NUP210: variants seen among roughly 807,000 people sequenced by gnomAD.
NUP210 encodes the protein nucleoporin 210.
In NUP210, 151 loss-of-function variants were observed where a neutral mutation model predicts 196.0. The observed-to-expected ratio is 0.77, with a 90% CI of 0.67 to 0.88. The LOEUF (loss-of-function observed/expected upper bound fraction) is 0.88. Ranked by LOEUF, NUP210 falls within the 40% of genes least tolerant of loss-of-function variation. The pLI is 0.00. For synonymous variants in NUP210, 1,070 were observed against 1,052.7 expected (o/e 1.02, Z -0.32); for missense variants, 2,314 against 2,493.7 (o/e 0.93, Z 1.53).
chr3:13,343,199 C>T lies in NUP210; in HGVS notation c.2940G>A (p.Glu980=), dbSNP rs1215208735. The T allele has an allele frequency of 6.2e-7, 1 of 1,614,210 alleles. No individual in the cohort carries two copies. The highest frequency in any genetic ancestry group is 8.5e-7 in the Non-Finnish European group (1 of 1,180,044). The change falls in exon 21 of 40, where the codon GAG becomes GAA. Residue 980 remains glutamate, a synonymous_variant. Transcript: ENST00000254508. ...CCTTGTCAACCACACGGATGTACAG[C>T]TCCTGAATGTCCGACACGTAAACGA... The part of the protein sequence containing the change: ...KAVVYVSDIQ[E]LYIRVVDKVE...
chr3:13,373,588 G>C, intron 12 of NUP210, 130 bp downstream of exon 12: 1 of 836,936 alleles, frequency 1.2e-6, no homozygotes. Flanking sequence ...GGAAGGGCTG[G>C]GGCTTGAGCT....
At chr3:13,351,746 C>T in intron 20 of NUP210, 133 bp downstream of exon 20, 1 of 647,638 alleles carries the variant, frequency 1.5e-6, no homozygotes, top group South Asian at 1.8e-5. Context: ...GATCTTCCTG[C>T]CTTGACCTCC....
chr3:13,319,309 G>T lies in NUP210; in HGVS notation c.5400C>A (p.Phe1800Leu). 1 of 1,610,806 alleles carries T rather than the reference G, an allele frequency of 6.2e-7. No homozygotes were observed. Among genetic ancestry groups the T allele is most frequent in the Non-Finnish European group, 8.5e-7 (1 of 1,178,402 alleles). Reference sequence around the variant, plus strand: ...CCTGGTAGGAATCCAGGAAGTGCTGGAAGAGGCTGGCTCCATCTGCCATCA... The same window carrying T: ...CCTGGTAGGAATCCAGGAAGTGCTGTAAGAGGCTGGCTCCATCTGCCATCA... ...RGPGPYGASL[F>L]QHFLDSYQVM... The change falls in exon 38 of 40, where the codon TTC becomes TTA. Residue 1800 changes from phenylalanine to leucine, a missense_variant. By Grantham distance (22) the Phe-to-Leu change is conservative. Transcript: ENST00000254508.
intron 1 of NUP210, 36 bp from the exon 2 acceptor site, chr3:13,399,897 C>G (rs775088863): frequency 7.0e-6 from 11 of 1,575,946 alleles, no homozygotes; most frequent in Non-Finnish European, 9.5e-6. Context: ...CTCTCTGGAG[C>G]TGCACTGCAA....
intron 25 of NUP210, among the ~76,000 whole-genome samples, chr3:13,338,241 C>T (rs1408100310): frequency 1.3e-5 from 2 of 152,234 alleles, no homozygotes; most frequent in African/African-American, 2.4e-5. Context: ...TTAGGCCTGG[C>T]TGCCCTCAAG....
At chr3:13,410,019 ATTT>A (rs34707109) in intron 1 of NUP210, among the ~76,000 whole-genome samples, 169 of 138,046 alleles carry the variant, frequency 1.2e-3, no homozygotes, top group African/African-American at 3.8e-3. Context: ...CACCCAGCTA[ATTT>A]TTTTTTTTTT....
chr3:13,368,793 T>C (rs1231687491), intron 13 of NUP210, among the ~76,000 whole-genome samples: 9 of 152,270 alleles, frequency 5.9e-5, no homozygotes, highest in Non-Finnish European at 8.8e-5. Flanking sequence ...AATATTCCAC[T>C]GTATGGATAG....
chr3:13,407,055 C>T (rs561461337), intron 1 of NUP210, among the ~76,000 whole-genome samples: 3 of 152,292 alleles, frequency 2.0e-5, no homozygotes, highest in East Asian at 3.9e-4. Context: ...ACCAAATGAG[C>T]TAACCTCCCT....
chr3:13,351,958 C>T lies in NUP210; in HGVS notation c.2756G>A (p.Gly919Asp). ...GGTGTTGAGGAAGAAGTAACCTGAG[C>T]CTTCCCTGATGCGGAGCTCTGCCTG... ...GIQAELRIRE[G>D]SGYFFLNTST... The change falls in exon 20 of 40, where the codon GGC becomes GAC. Residue 919 changes from glycine to aspartate, a missense_variant. Transcript: ENST00000254508. The T allele has an allele frequency of 1.2e-6, 2 of 1,611,932 alleles. No homozygotes were observed. Among genetic ancestry groups the T allele is most frequent in the Non-Finnish European group, 1.7e-6 (2 of 1,178,430 alleles).
chr3:13,350,925 C>T lies in NUP210; in HGVS notation c.2835+954G>A, dbSNP rs548974788. Among the ~76,000 whole-genome samples, 28 of 152,054 alleles carry T rather than the reference C, an allele frequency of 1.8e-4. 1 individual carries two copies. The South Asian group carries it at 5.8e-3, about 32-fold the overall frequency. On this transcript the variant is annotated intron_variant, in intron 20 of 39. Coordinates refer to ENST00000254508, the MANE Select transcript of NUP210 (RefSeq NM_024923.4). This position sits in a 1 kb window ranked among gnomAD's most constrained non-coding sequence, Gnocchi z 4.1. ...GTGTTAGCCAGGATGGTCTCAATCTCCTGACCTTGTGATCAGCCTGCCTCG... is the reference window on the plus strand; with the variant it reads ...GTGTTAGCCAGGATGGTCTCAATCTTCTGACCTTGTGATCAGCCTGCCTCG...
At chr3:13,395,323 C>G (rs1024975106) in intron 3 of NUP210, among the ~76,000 whole-genome samples, 3 of 152,228 alleles carry the variant, frequency 2.0e-5, no homozygotes, top group Admixed American at 2.0e-4. Context: ...ACGTGGAGAT[C>G]ATGGCACCTT....
chr3:13,339,919 C>T lies in NUP210; in HGVS notation c.3406G>A (p.Gly1136Ser), dbSNP rs114096350. The change falls in exon 25 of 40, where the codon GGC becomes AGC. Residue 1136 changes from glycine to serine, a missense_variant. Coordinates refer to ENST00000254508, the MANE Select transcript of NUP210 (RefSeq NM_024923.4). The part of the protein sequence containing the change: ...GLVQGLAIGN[G>S]TVSGLVQAVD... ...GCCTGCACGAGCCCAGACACAGTGC[C>T]GTTCCCGATGGCGAGGCCCTGTACC... 7.4e-3 allele frequency: 11,948 copies of T among 1,614,044 alleles called. 54 individuals carry two copies. Among genetic ancestry groups the T allele is most frequent in the Non-Finnish European group, 8.4e-3 (9,922 of 1,180,052 alleles).
intron 18 of NUP210, 125 bp from the exon 19 acceptor site, chr3:13,352,309 G>T: frequency 1.5e-6 from 1 of 666,712 alleles, no homozygotes; most frequent in Non-Finnish European, 2.6e-6. Flanking sequence ...GTGCTCCTGA[G>T]CCCAGCAGAA....
At chr3:13,360,560 G>T in intron 14 of NUP210, 69 bp from the exon 15 acceptor site, 1 of 1,255,232 alleles carries the variant, frequency 8.0e-7, no homozygotes. Context: ...GGGCATCCCA[G>T]CCCCACATCC....
chr3:13,397,958 AT>A (rs566202990), intron 2 of NUP210, among the ~76,000 whole-genome samples: 4 of 152,246 alleles, frequency 2.6e-5, no homozygotes, highest in African/African-American at 9.6e-5. Context: ...ACACCCAGAG[AT>A]TTTTTTACTT....
rs1355465153 is a variant in NUP210, at chr3:13,340,527, G to A, written c.3229-229C>T. On this transcript the variant is annotated intron_variant, in intron 23 of 39. Transcript: ENST00000254508. This position sits in a 1 kb window ranked among gnomAD's most constrained non-coding sequence, Gnocchi z 4.0. ...GGTGTGTTCTTCTGTTTGTGACTGT[G>A]TTTCACTTTCCCTAGATGTTAAAAC... 6.6e-6 allele frequency among the ~76,000 whole-genome samples: 1 copy of A among 152,172 alleles called. No individual in the cohort carries two copies. The highest frequency in any genetic ancestry group is 1.5e-5 in the Non-Finnish European group (1 of 68,026).
chr3:13,353,628 C>T lies in NUP210; in HGVS notation c.2554G>A (p.Gly852Arg), dbSNP rs1304593868. The T allele has an allele frequency of 1.2e-6, 2 of 1,614,154 alleles. No individual in the cohort carries two copies. Among genetic ancestry groups the T allele is most frequent in the East Asian group, 4.5e-5 (2 of 44,890 alleles). ...GCAGTGGCAGTGATGGCTGTGGTTC[C>T]TGATGCCTCGTGAACCAAAATGGCC... is the stretch of plus-strand genomic sequence containing the variant. ...LQAILVHEAS[G>R]TTAITATATG... The change falls in exon 18 of 40, where the codon GGA (glycine) becomes AGA (arginine). Residue 852 changes from glycine to arginine, a missense_variant. Coordinates refer to ENST00000254508, the MANE Select transcript of NUP210 (RefSeq NM_024923.4).
At chr3:13,391,364 G>A (rs1366653652) in intron 3 of NUP210, 57 bp from the exon 4 acceptor site, 2 of 1,206,376 alleles carry the variant, frequency 1.7e-6, no homozygotes, top group Non-Finnish European at 2.4e-6. Context: ...CAGGGTGGAG[G>A]GAGGCGTGAT....
At position 13,376,373 on chromosome 3, in the gene NUP210, T is replaced by C. The variant is rs1452403851; in HGVS notation, c.1211A>G (p.Gln404Arg). 6.2e-7 allele frequency: 1 copy of C among 1,614,244 alleles called. No homozygotes were observed. The highest frequency in any genetic ancestry group is 1.3e-5 in the African/African-American group (1 of 75,068). The change falls in exon 10 of 40, where the codon CAG (glutamine) becomes CGG (arginine). Residue 404 changes from glutamine to arginine, a missense_variant. Gln to Arg is a conservative substitution (Grantham distance 43, BLOSUM62 1). Coordinates refer to ENST00000254508, the MANE Select transcript of NUP210 (RefSeq NM_024923.4). ...CCTGATGCGATGGTATGACCCATTC[T>C]GGGAGGACGAGAGCACCTCGAAGAA... ...AEFFEVLSSSQNGSYHRIRAL... is the reference protein window; with the variant it reads ...AEFFEVLSSSRNGSYHRIRAL...
Sources: gnomAD v4.1 joint callset for allele counts (sites outside exome capture counted in the v4.1 genomes callset) on GRCh38, gnomAD v4.1.1 for gene constraint, Gnocchi (gnomAD v3.1) non-coding constraint, MANE v1.5 for transcripts, NCBI Gene and HGNC (gene_info 2026-07-23, HGNC 2026-07-21) for gene names.